The following MTCL2 variants were observed in gnomAD, a reference collection of about 807,000 sequenced individuals.
MTCL2 encodes microtubule crosslinking factor 2.
chr20:36,844,427 C>CAAT, the MTCL2 span, among the ~76,000 whole-genome samples: 4 of 149,900 alleles, frequency 2.7e-5, no homozygotes, highest in African/African-American at 9.9e-5. Flanking sequence ...ATAATAACAA[C>CAAT]AATAATAATA....
chr20:36,782,264 G>A, the MTCL2 span: 1 of 152,218 alleles, frequency 6.6e-6, no homozygotes, highest in African/African-American at 2.4e-5. Context: ...AAGGCTCAGT[G>A]ATCTAGAATG....
At chr20:36,819,757 G>T in the MTCL2 span, among the ~76,000 whole-genome samples, 1 of 152,200 alleles carries the variant, frequency 6.6e-6, no homozygotes, top group Non-Finnish European at 1.5e-5. Context: ...CCTAAGTACA[G>T]AATATCTTAG....
chr20:36,777,776 A>T, the MTCL2 span: 2 of 603,334 alleles, frequency 3.3e-6, no homozygotes, highest in Non-Finnish European at 5.9e-6. Context: ...AAGGGGGTTC[A>T]CAGTATTGGC....
At chr20:36,791,851 G>T in the MTCL2 span, among the ~76,000 whole-genome samples, 1 of 152,220 alleles carries the variant, frequency 6.6e-6, no homozygotes, top group African/African-American at 2.4e-5. Flanking sequence ...TGCTGAGGTT[G>T]TCAGGTTCCT....
the MTCL2 span, chr20:36,785,193 A>G: frequency 2.0e-6 from 2 of 985,186 alleles, no homozygotes; most frequent in Non-Finnish European, 2.4e-6. Context: ...AGCTCTGTTG[A>G]GGGGCCCTCC....
chr20:36,813,913 T>C, the MTCL2 span, among the ~76,000 whole-genome samples: 3 of 152,126 alleles, frequency 2.0e-5, no homozygotes, highest in Non-Finnish European at 4.4e-5. Context: ...CTTCACTCAG[T>C]GTCCTGGACA....
the MTCL2 span, among the ~76,000 whole-genome samples, chr20:36,850,549 A>G: frequency 6.8e-4 from 103 of 152,094 alleles, 1 homozygote; most frequent in African/African-American, 2.3e-3. Flanking sequence ...GAAAAAAAAA[A>G]GCCACCTCCA....
chr20:36,808,101 TC>T, the MTCL2 span, among the ~76,000 whole-genome samples: 1 of 150,014 alleles, frequency 6.7e-6, no homozygotes, highest in Non-Finnish European at 1.5e-5. Context: ...GGTCTCGATC[TC>T]CTGACCTCGT....
chr20:36,782,648 C>T, the MTCL2 span: 1 of 152,512 alleles, frequency 6.6e-6, no homozygotes, highest in Admixed American at 6.5e-5. Context: ...ATTCTCCCAC[C>T]TCAGCCTCCC....
At chr20:36,795,258 A>T in the MTCL2 span, among the ~76,000 whole-genome samples, 60 of 151,856 alleles carry the variant, frequency 4.0e-4, 1 homozygote, top group African/African-American at 1.0e-3. Flanking sequence ...GCTAATTTTT[A>T]AAAAATTTTT....
the MTCL2 span, among the ~76,000 whole-genome samples, chr20:36,795,464 G>GT: frequency 2.6e-4 from 39 of 150,842 alleles, no homozygotes; most frequent in South Asian, 1.1e-3. Flanking sequence ...CTATCTGATG[G>GT]TTTTTTTTTC....
the MTCL2 span, chr20:36,794,313 G>A: frequency 6.4e-7 from 1 of 1,565,732 alleles, no homozygotes; most frequent in East Asian, 2.4e-5. The surrounding 1 kb of genome is among the most constrained non-coding windows in gnomAD (Gnocchi z 5.4). Flanking sequence ...CGGGCCACCG[G>A]GGGACTATAG....
chr20:36,832,850 G>GA, the MTCL2 span, among the ~76,000 whole-genome samples: 39 of 146,434 alleles, frequency 2.7e-4, no homozygotes, highest in South Asian at 1.1e-3. Context: ...CTCAGAAAAA[G>GA]AAAAAAAAAA....
the MTCL2 span, among the ~76,000 whole-genome samples, chr20:36,799,965 G>T: frequency 2.6e-5 from 4 of 152,316 alleles, no homozygotes; most frequent in Non-Finnish European, 4.4e-5. Flanking sequence ...GTTGTACCTG[G>T]TGGAGCCAGG....
the MTCL2 span, among the ~76,000 whole-genome samples, chr20:36,851,352 C>T: frequency 1.2e-4 from 18 of 152,190 alleles, no homozygotes; most frequent in Non-Finnish European, 1.9e-4. Context: ...GACTTTTCAT[C>T]ACATACAAAA....
chr20:36,853,670 CAA>C, the MTCL2 span, among the ~76,000 whole-genome samples: 2 of 151,714 alleles, frequency 1.3e-5, no homozygotes, highest in East Asian at 3.9e-4. Flanking sequence ...CAGTTCTGCA[CAA>C]GAGACACTAC....
the MTCL2 span, among the ~76,000 whole-genome samples, chr20:36,847,853 CAAA>C: frequency 1.6e-4 from 13 of 83,586 alleles, no homozygotes; most frequent in Middle Eastern, 5.6e-3. Flanking sequence ...CAGTCTGACT[CAAA>C]AAAAAAAAAA....
At chr20:36,835,069 T>G in the MTCL2 span, among the ~76,000 whole-genome samples, 2 of 152,166 alleles carry the variant, frequency 1.3e-5, no homozygotes, top group Non-Finnish European at 2.9e-5. Context: ...CTCTCTTCAC[T>G]TGAATTATTT....
At chr20:36,831,145 G>A in the MTCL2 span, among the ~76,000 whole-genome samples, 2 of 152,228 alleles carry the variant, frequency 1.3e-5, no homozygotes, top group African/African-American at 4.8e-5. Flanking sequence ...GAGGAAGGAA[G>A]GCCCTTCTGG....
Sources: gnomAD v4.1 joint callset for allele counts (sites outside exome capture counted in the v4.1 genomes callset) on GRCh38, gnomAD v4.1.1 for gene constraint, Gnocchi (gnomAD v3.1) non-coding constraint, MANE v1.5 for transcripts, NCBI Gene and HGNC (gene_info 2026-07-23, HGNC 2026-07-21) for gene names.